The following PRDM11 variants were observed in gnomAD, a reference collection of about 807,000 sequenced individuals.
PRDM11 encodes the protein PR/SET domain 11.
PRDM11 carries 20 observed loss-of-function variants against 97.8 expected under a neutral mutation model. The observed-to-expected ratio is 0.20, with a 90% CI of 0.14 to 0.30. PRDM11 has a LOEUF of 0.30. Ranked by LOEUF, PRDM11 falls within the 10% of genes least tolerant of loss-of-function variation. The pLI, the probability that PRDM11 is intolerant of heterozygous loss-of-function variation, is 1.00. For synonymous variants in PRDM11, 599 were observed against 637.7 expected (o/e 0.94, Z 0.91); for missense variants, 1,139 against 1,555.2 (o/e 0.73, Z 4.50).
chr11:45,121,678 T>C (rs970373926), intron 1 of PRDM11, among the ~76,000 whole-genome samples: 3 of 152,106 alleles, frequency 2.0e-5, no homozygotes, highest in African/African-American at 4.8e-5. Flanking sequence ...TTTACCACAA[T>C]AGACTACACA....
At position 45,230,680 on chromosome 11, in the gene PRDM11, T is replaced by C. The variant is rs556143990; in HGVS notation, c.*2521T>C. The C allele has an allele frequency of 2.0e-5, 3 of 152,214 alleles. No homozygotes were observed. In the South Asian group the frequency reaches 6.2e-4, roughly 32 times the overall value. The allele number at this position is 152,214 out of a possible 1,614,324, so 9.4% of individuals were successfully genotyped here. On this transcript the variant is annotated 3_prime_UTR_variant, in exon 8 of 8. Coordinates refer to ENST00000683152, the MANE Select transcript of PRDM11 (RefSeq NM_001384648.1). The stretch of plus-strand genomic sequence containing the variant: ...GCTTGGTGAGGGCAGAAACAGTAGG[T>C]TGAGATCCTTTCTTCTAGCCAACAG...
At position 45,177,434 on chromosome 11, in the gene PRDM11, G is replaced by T. The variant is rs186676989; in HGVS notation, c.-6-4327G>T. Among the ~76,000 whole-genome samples the T allele has an allele frequency of 7.9e-5, 12 of 152,300 alleles. No individual in the cohort carries two copies. In the East Asian group the frequency reaches 2.3e-3, roughly 29 times the overall value. ...GAAAAGGCAACAGGGGCTTTACCTG[G>T]GCCAGGCCTTAGAGTGTCTGCTGAG... On this transcript the variant is annotated intron_variant, in intron 1 of 7. Coordinates refer to ENST00000683152, the MANE Select transcript of PRDM11 (RefSeq NM_001384648.1).
chr11:45,157,580 C>T (rs948382502), intron 1 of PRDM11, among the ~76,000 whole-genome samples: 4 of 152,340 alleles, frequency 2.6e-5, no homozygotes, highest in African/African-American at 9.6e-5. Context: ...TTCCTTTCCA[C>T]CGCCAACCTC....
At chr11:45,154,513 G>A (rs1416727554) in intron 1 of PRDM11, among the ~76,000 whole-genome samples, 1 of 152,208 alleles carries the variant, frequency 6.6e-6, no homozygotes, top group Admixed American at 6.5e-5. Flanking sequence ...AAGTGGAGTA[G>A]GGGTGGGGGC....
At chr11:45,180,048 A>G (rs1852429503) in intron 1 of PRDM11, among the ~76,000 whole-genome samples, 1 of 152,236 alleles carries the variant, frequency 6.6e-6, no homozygotes, top group Admixed American at 6.5e-5. Context: ...AGAGGACTGG[A>G]CTGAGGATAC....
At chr11:45,177,144 CT>C (rs1852345638) in intron 1 of PRDM11, among the ~76,000 whole-genome samples, 1 of 152,240 alleles carries the variant, frequency 6.6e-6, no homozygotes, top group African/African-American at 2.4e-5. Flanking sequence ...AGTTCCCTGG[CT>C]ACACTGGCTC....
At position 45,212,139 on chromosome 11, in the gene PRDM11, A is replaced by G. The variant is rs76029032; in HGVS notation, c.554+7361A>G. Among the ~76,000 whole-genome samples, 631 of 152,336 alleles carry G rather than the reference A, an allele frequency of 4.1e-3. 4 individuals carry two copies. Among genetic ancestry groups the G allele is most frequent in the African/African-American group, 0.014 (591 of 41,576 alleles). On this transcript the variant is annotated intron_variant, in intron 5 of 7. Transcript: ENST00000683152. ...GTTATCATTGCAGAAAGTGAGGTGC[A>G]GAGAGATGAACTGACTGCTGAGGTC...
At chr11:45,176,956 C>T (rs565839305) in intron 1 of PRDM11, among the ~76,000 whole-genome samples, 9 of 152,338 alleles carry the variant, frequency 5.9e-5, no homozygotes, top group African/African-American at 2.2e-4. Flanking sequence ...GAACTGAGAC[C>T]CAGGGCTTGG....
chr11:45,189,109 C>T (rs997128098), intron 4 of PRDM11, among the ~76,000 whole-genome samples: 2 of 152,108 alleles, frequency 1.3e-5, no homozygotes, highest in African/African-American at 4.8e-5. Context: ...CCATGTTGGC[C>T]AGGCTGGTCT....
chr11:45,227,899 C>T lies in PRDM11; in HGVS notation c.3274C>T (p.Arg1092Cys), dbSNP rs1854314895. 2.6e-6 allele frequency: 4 copies of T among 1,533,900 alleles called. No homozygotes were observed. In the African/African-American group the frequency reaches 4.1e-5, roughly 16 times the overall value. Reference sequence around the variant, plus strand: ...TTCCACCGCTTGCTGCGAGAAAGGCCGCAATGCCCTCCAGCGAGTTCGCAA... The same window carrying T: ...TTCCACCGCTTGCTGCGAGAAAGGCTGCAATGCCCTCCAGCGAGTTCGCAA... ...PTSTACCEKGRNALQRVRKNH... is the reference protein window; with the variant it reads ...PTSTACCEKGCNALQRVRKNH... Residue 1092 changes from arginine (R) to cysteine (C), a missense_variant, in exon 8 of 8, where the codon CGC (arginine) becomes TGC (cysteine). Physicochemically the swap from Arg to Cys is radical, Grantham distance 180. This residue lies in a region of PRDM11 where 710 missense variants were observed against 1,044.9 expected (regional missense o/e 0.68). Transcript: ENST00000683152. The surrounding 1 kb of genome is among the most constrained non-coding windows in gnomAD (Gnocchi z 8.0).
chr11:45,101,567 A>AAGAAG lies in PRDM11; in HGVS notation c.96+5667_96+5668insGAAGA, dbSNP rs1554963215. Reference sequence around the variant, plus strand: ...CAACACTCTGTCTCAAAAAAAAAAAAAAGAAGAAGAAGAAGAAGAAGAAGA... The same window carrying AAGAAG: ...CAACACTCTGTCTCAAAAAAAAAAAAAGAAGAAGAAGAAGAAGAAGAAGAAGAAGA... On this transcript the variant is annotated intron_variant, in intron 1 of 6. Transcript: ENST00000530656. 1.0e-3 allele frequency among the ~76,000 whole-genome samples: 99 copies of AAGAAG among 96,864 alleles called. 7 individuals are homozygous for AAGAAG. Among genetic ancestry groups the AAGAAG allele is most frequent in the African/African-American group, 4.4e-3 (91 of 20,550 alleles). The allele number at this position is 96,864 out of a possible 152,430, so 63.5% of individuals were successfully genotyped here.
rs1554963213 is a variant in PRDM11, at chr11:45,101,567, AAAGAAGAAGAAGAAG to A, written c.96+5685_96+5699del. 2.1e-4 allele frequency among the ~76,000 whole-genome samples: 20 copies of A among 96,864 alleles called. 1 individual carries two copies. In the East Asian group the frequency reaches 2.2e-3, roughly 11 times the overall value. The allele number at this position is 96,864 out of a possible 152,430, so 63.5% of individuals were successfully genotyped here. A position where few individuals can be genotyped will look rare whatever the true frequency, so the allele number is the denominator to read the frequency against. On this transcript the variant is annotated intron_variant, in intron 1 of 6. Transcript: ENST00000530656. ...CAACACTCTGTCTCAAAAAAAAAAA[AAAGAAGAAGAAGAAG>A]AAGAAGAAGAAGAAGAAGGCGTTCA...
At chr11:45,130,181 G>C (rs954690655) in intron 1 of PRDM11, among the ~76,000 whole-genome samples, 4 of 152,032 alleles carry the variant, frequency 2.6e-5, no homozygotes, top group Non-Finnish European at 5.9e-5. Context: ...GCTTCCAAAA[G>C]AAAATACAGA....
At position 45,225,565 on chromosome 11, in the gene PRDM11, G is replaced by T. The variant is rs565195297; in HGVS notation, c.1370-430G>T. Among the ~76,000 whole-genome samples the T allele has an allele frequency of 5.9e-5, 9 of 152,258 alleles. No individual in the cohort carries two copies. The South Asian group carries it at 1.7e-3, about 28-fold the overall frequency. ...CATTTTGATCCTGAAATCACTTGGG[G>T]CCATATCCAAGATGCCTTTGTTCAC... On this transcript the variant is annotated intron_variant, in intron 7 of 7. Transcript: ENST00000683152.
At chr11:45,118,521 G>A (rs189649959) in intron 1 of PRDM11, among the ~76,000 whole-genome samples, 5 of 152,224 alleles carry the variant, frequency 3.3e-5, no homozygotes, top group Admixed American at 2.0e-4. Context: ...TTTCCTCCCG[G>A]GAATGCAAGT....
chr11:45,220,812 C>T (rs1425665364), intron 6 of PRDM11, among the ~76,000 whole-genome samples: 4 of 152,226 alleles, frequency 2.6e-5, no homozygotes, highest in African/African-American at 9.6e-5. Flanking sequence ...GTTTTAACTA[C>T]TCTCAGCCCC....
intron 1 of PRDM11, among the ~76,000 whole-genome samples, chr11:45,171,576 C>A (rs1392313076): frequency 1.3e-5 from 2 of 152,130 alleles, no homozygotes; most frequent in Non-Finnish European, 2.9e-5. Context: ...ACCCTGTTTG[C>A]CCCTTTGTAG....
rs1291151586 is a variant in PRDM11 at position 45,229,610 on chromosome 11, C to A, written c.*1451C>A. On this transcript the variant is annotated 3_prime_UTR_variant, in exon 8 of 8. Transcript: ENST00000683152. ...TTAAACTAGAGGAGTCTGATCAATG[C>A]TCTTTCATTCATTTAACTACCGGTA... 6.6e-6 allele frequency: 1 copy of A among 152,206 alleles called. No individual in the cohort carries two copies. Among genetic ancestry groups the A allele is most frequent in the Non-Finnish European group, 1.5e-5 (1 of 68,050 alleles). The allele number at this position is 152,206 out of a possible 1,614,324, so 9.4% of individuals were successfully genotyped here.
At chr11:45,151,131 G>C (rs1196007731) in intron 1 of PRDM11, among the ~76,000 whole-genome samples, 4 of 152,162 alleles carry the variant, frequency 2.6e-5, no homozygotes, top group African/African-American at 9.7e-5. Flanking sequence ...CTAACATCGG[G>C]GTTTGAGCAT....
Sources: gnomAD v4.1 joint callset for allele counts (sites outside exome capture counted in the v4.1 genomes callset) on GRCh38, gnomAD v4.1.1 for gene constraint, gnomAD v4.1.1 regional missense constraint, Gnocchi (gnomAD v3.1) non-coding constraint, MANE v1.5 for transcripts, NCBI Gene and HGNC (gene_info 2026-07-23, HGNC 2026-07-21) for gene names.